R3HCC1: variants seen among roughly 807,000 people sequenced by gnomAD.
R3HCC1 encodes R3H and coiled-coil domain-containing protein 1.
In R3HCC1, 32 loss-of-function variants were observed where a neutral mutation model predicts 40.0. The ratio of observed to expected loss-of-function variants is 0.80; its 90% CI spans 0.60 to 1.07. The LOEUF (loss-of-function observed/expected upper bound fraction) is 1.07. Ranked by LOEUF, R3HCC1 falls within the 50% of genes least tolerant of loss-of-function variation. R3HCC1 has a pLI of 0.00. For synonymous variants in R3HCC1, 237 were observed against 232.8 expected (o/e 1.02, Z -0.17); for missense variants, 586 against 563.3 (o/e 1.04, Z -0.41).
intron 5 of R3HCC1, among the ~76,000 whole-genome samples, chr8:23,292,302 C>CT (rs1429276332): frequency 6.6e-6 from 1 of 152,088 alleles, no homozygotes; most frequent in African/African-American, 2.4e-5. Context: ...TCTGCCTAGG[C>CT]TTTTAGAAAC....
intron 7 of R3HCC1, chr8:23,295,549 G>C: frequency 2.2e-6 from 1 of 464,818 alleles, no homozygotes; most frequent in Non-Finnish European, 4.3e-6. Flanking sequence ...GCCGAGGCCA[G>C]CTGTGCTCTC....
At chr8:23,290,616 G>A in intron 4 of R3HCC1, 147 bp downstream of exon 4, 1 of 987,082 alleles carries the variant, frequency 1.0e-6, no homozygotes, top group South Asian at 1.7e-5. Flanking sequence ...GATTCCTTAG[G>A]GAACTCAGGA....
intron 7 of R3HCC1, among the ~76,000 whole-genome samples, 200 bp downstream of exon 7, chr8:23,295,064 A>AG (rs1169971333): frequency 9.2e-5 from 14 of 151,808 alleles, no homozygotes; most frequent in South Asian, 2.1e-4. Flanking sequence ...TAGCAGGCCT[A>AG]GGGGGGGTCT....
chr8:23,289,236 C>T (rs964549342), intron 3 of R3HCC1, 83 bp downstream of exon 3: 31 of 1,452,244 alleles, frequency 2.1e-5, no homozygotes, highest in Non-Finnish European at 2.8e-5. Flanking sequence ...AAGGGCAGGG[C>T]TGGGGGGAAC....
Position 23,290,449 on chromosome 8 carries a change from T to C in R3HCC1, c.832T>C (p.Tyr278His). The C allele has an allele frequency of 6.4e-7, 1 of 1,550,438 alleles. No individual in the cohort carries two copies. The highest frequency in any genetic ancestry group is 8.7e-7 in the Non-Finnish European group (1 of 1,146,446). Residue 278 changes from tyrosine to histidine, a missense_variant, in exon 4 of 8, where the codon TAC becomes CAC. Physicochemically the swap from Tyr to His is moderately conservative, Grantham distance 83 (BLOSUM62 2). Coordinates refer to ENST00000265806, the MANE Select transcript of R3HCC1 (RefSeq NM_001136108.3). ...CCCCAGCAGCTGCTCGGAGGACGATTACAGTGAGCTGCTGCAGGAGGTGAT... is the reference window on the plus strand; with the variant it reads ...CCCCAGCAGCTGCTCGGAGGACGATCACAGTGAGCTGCTGCAGGAGGTGAT...
intron 5 of R3HCC1, 31 bp downstream of exon 5, chr8:23,291,564 A>G: frequency 6.5e-7 from 1 of 1,548,922 alleles, no homozygotes; most frequent in South Asian, 1.2e-5. Flanking sequence ...TGCTGCCTTC[A>G]GAGAGGAGCT....
In R3HCC1 at chr8:23,288,519, T is replaced by C; in HGVS notation, c.-5T>C. 4 of 1,536,024 alleles carry C rather than the reference T, an allele frequency of 2.6e-6. No homozygotes were observed. The highest frequency in any genetic ancestry group is 3.5e-6 in the Non-Finnish European group (4 of 1,146,836). On this transcript the variant is annotated 5_prime_UTR_variant, in exon 2 of 8. Coordinates refer to ENST00000265806, the MANE Select transcript of R3HCC1 (RefSeq NM_001136108.3). ...TCTCTCTTACAGGCTCTCCCACCTG[T>C]CACCCTGGCCCTTCTCTGCTTGGAT...
Position 23,290,046 on chromosome 8 carries a change from G to A in R3HCC1, c.429G>A (p.Leu143=). Residue 143 remains leucine (L), a synonymous_variant, in exon 4 of 8, where the codon CTG becomes CTA. Transcript: ENST00000265806. ...AGCCTTTGTATGTGCCCCGGGTGCT[G>A]CGCAGGCAGGAAGAATGGGGGCTGA... The A allele has an allele frequency of 1.3e-6, 2 of 1,545,338 alleles. No homozygotes were observed. Among genetic ancestry groups the A allele is most frequent in the South Asian group, 1.2e-5 (1 of 84,064 alleles).
At chr8:23,295,347 C>T in intron 7 of R3HCC1, 1 of 396,008 alleles carries the variant, frequency 2.5e-6, no homozygotes, top group Non-Finnish European at 5.0e-6. Flanking sequence ...TAAGCAGACT[C>T]TTCAGTCTGA....
At chr8:23,295,867 T>C in intron 7 of R3HCC1, 100 bp from the exon 8 acceptor site, 1 of 1,430,878 alleles carries the variant, frequency 7.0e-7, no homozygotes, top group Non-Finnish European at 9.3e-7. Context: ...ATGTGTCACA[T>C]GAGAGGCTGG....
rs754317944 is a variant in R3HCC1, at chr8:23,290,486, G to C, written c.852+17G>C. On this transcript the variant is annotated intron_variant, in intron 4 of 7. Coordinates refer to ENST00000265806, the MANE Select transcript of R3HCC1 (RefSeq NM_001136108.3). ...CTGCAGGAGGTGATGAGGCTCTTGA[G>C]CCCGAAAAGGGAGGGCGGAGGTGAG... The C allele has an allele frequency of 1.9e-6, 3 of 1,539,068 alleles. No homozygotes were observed. Among genetic ancestry groups the C allele is most frequent in the Admixed American group, 2.0e-5 (1 of 50,220 alleles).
At chr8:23,291,334 C>G in intron 4 of R3HCC1, 27 bp from the exon 5 acceptor site, 2 of 1,540,194 alleles carry the variant, frequency 1.3e-6, no homozygotes, top group Non-Finnish European at 8.8e-7. Context: ...TCCAAGCTCC[C>G]CTTGCTAAGG....
chr8:23,288,220 CA>C (rs1252215914), intron 1 of R3HCC1, 63 bp downstream of exon 1: 65 of 1,204,812 alleles, frequency 5.4e-5, no homozygotes, highest in Non-Finnish European at 6.7e-5. Context: ...TGGGAAGGAG[CA>C]GCTGGGCTGC....
Position 23,291,460 on chromosome 8 carries a change from C to T in R3HCC1, c.952C>T (p.His318Tyr). ...GCTGCCTGGAGAGAAGGACCTTGCC[C>T]ACGTGGTAGAGATCTATGACTTTGA... The change falls in exon 5 of 8, where the codon CAC (histidine) becomes TAC (tyrosine). Residue 318 changes from histidine to tyrosine, a missense_variant. His to Tyr is a moderately conservative substitution (Grantham distance 83). Transcript: ENST00000265806. 1 of 1,551,640 alleles carries T rather than the reference C, an allele frequency of 6.4e-7. No homozygotes were observed. Among genetic ancestry groups the T allele is most frequent in the South Asian group, 1.2e-5 (1 of 84,052 alleles).
rs771213806 is a variant in R3HCC1, at chr8:23,288,132, C to A, written c.-44C>A. ...CGCTGGCCCCTGGGGACGCCGAGGG[C>A]GGCTGCGACGCGCCGAGAGGCCGCG... On this transcript the variant is annotated 5_prime_UTR_variant, in exon 1 of 8. Coordinates refer to ENST00000265806, the MANE Select transcript of R3HCC1 (RefSeq NM_001136108.3). 3.8e-5 allele frequency: 48 copies of A among 1,252,440 alleles called. 2 individuals carry two copies. The South Asian group carries it at 5.0e-4, about 13-fold the overall frequency. 77.6% of individuals were successfully genotyped at this position (1,252,440 alleles called of 1,614,324 possible). A position where few individuals can be genotyped will look rare whatever the true frequency, so the allele number is the denominator to read the frequency against.
intron 4 of R3HCC1, 75 bp downstream of exon 4, chr8:23,290,544 G>C: frequency 6.8e-7 from 1 of 1,464,464 alleles, no homozygotes; most frequent in Admixed American, 2.3e-5. Flanking sequence ...GGGGACCAAG[G>C]GTTATGGTGT....
intron 2 of R3HCC1, 111 bp from the exon 3 acceptor site, chr8:23,288,905 C>T (rs558207797): frequency 3.2e-6 from 4 of 1,267,390 alleles, no homozygotes; most frequent in South Asian, 1.4e-5. Context: ...CCATCTGGGA[C>T]CCAGAGGGGC....
rs554230975 is a variant in R3HCC1, at chr8:23,294,987, C to T, written c.1192+123C>T. On this transcript the variant is annotated intron_variant, in intron 7 of 7. Coordinates refer to ENST00000265806, the MANE Select transcript of R3HCC1 (RefSeq NM_001136108.3). ...GGTCTTCCCCTCTGTTAATTCTTCC[C>T]GCTTGACTTCTCTGCTCTTAGGGAG... 1.4e-4 allele frequency: 104 copies of T among 750,672 alleles called. 3 individuals are homozygous for T. Among genetic ancestry groups the T allele is most frequent in the South Asian group, 1.3e-3 (84 of 63,740 alleles). The allele number at this position is 750,672 out of a possible 1,614,324, so 46.5% of individuals were successfully genotyped here. A position where few individuals can be genotyped will look rare whatever the true frequency, so the allele number is the denominator to read the frequency against.
chr8:23,288,504 A>C lies in R3HCC1; in HGVS notation c.-18-2A>C. The C allele has an allele frequency of 2.6e-6, 4 of 1,535,876 alleles. No individual in the cohort carries two copies. The highest frequency in any genetic ancestry group is 3.5e-6 in the Non-Finnish European group (4 of 1,146,802). ...TCCCGGCCCTGCCCGTCTCTCTTAC[A>C]GGCTCTCCCACCTGTCACCCTGGCC... On this transcript the variant is annotated splice_acceptor_variant, in intron 1 of 7. Transcript: ENST00000265806. LOFTEE classifies it low-confidence loss of function (5UTR_SPLICE).
Sources: allele counts gnomAD v4.1 joint callset (sites outside exome capture counted in the v4.1 genomes callset), GRCh38; gene constraint gnomAD v4.1.1; transcripts MANE v1.5; gene names NCBI Gene and HGNC (gene_info 2026-07-23, HGNC 2026-07-21).